The following SRGAP2B variants were observed in gnomAD, a reference collection of about 807,000 sequenced individuals.
The protein encoded by SRGAP2B is SLIT-ROBO Rho GTPase-activating protein 2B.
SRGAP2B carries 9 observed loss-of-function variants against 22.2 expected under a neutral mutation model. The ratio of observed to expected loss-of-function variants is 0.41; its 90% CI spans 0.24 to 0.71. The LOEUF (loss-of-function observed/expected upper bound fraction) is 0.71. SRGAP2B is among the 30% of genes least tolerant of loss of function. SRGAP2B has a pLI of 0.35. For synonymous variants in SRGAP2B, 36 were observed against 87.4 expected, an observed-to-expected ratio of 0.41 and a Z score of 3.28; for missense variants, 114 against 235.8, an observed-to-expected ratio of 0.48 and a Z score of 3.38.
At chr1:144,993,477 G>A (rs1475213771) in intron 3 of SRGAP2B, among the ~76,000 whole-genome samples, 2 of 150,514 alleles carry the variant, frequency 1.3e-5, no homozygotes, top group East Asian at 3.9e-4. Flanking sequence ...GAGGTGGGAG[G>A]ATCACTTAAG....
At chr1:145,009,302 C>T (rs9702020) in intron 2 of SRGAP2B, among the ~76,000 whole-genome samples, 1 of 148,278 alleles carries the variant, frequency 6.7e-6, no homozygotes, top group Non-Finnish European at 1.5e-5. Context: ...TAAAACAAAA[C>T]TGGCGGCCGG....
At chr1:144,952,863 C>A (rs1351316549) in intron 4 of SRGAP2B, among the ~76,000 whole-genome samples, 7 of 150,420 alleles carry the variant, frequency 4.7e-5, no homozygotes, top group Admixed American at 4.6e-4. Flanking sequence ...TGTTCTTGAA[C>A]TTCTGGCCTC....
chr1:144,952,080 G>C (rs587744458), intron 4 of SRGAP2B, among the ~76,000 whole-genome samples: 1 of 40,332 alleles, frequency 2.5e-5, no homozygotes, highest in East Asian at 5.3e-4. Flanking sequence ...GAAGCCCCCA[G>C]TGTAGGATCC....
intron 3 of SRGAP2B, among the ~76,000 whole-genome samples, chr1:144,984,387 C>G (rs1178824210): frequency 1.5e-5 from 2 of 131,546 alleles, no homozygotes; most frequent in African/African-American, 5.5e-5. Context: ...AACAAAAAAG[C>G]CCCTCTCTAT....
At chr1:144,995,917 C>T (rs1282008771) in intron 2 of SRGAP2B, among the ~76,000 whole-genome samples, 8 of 150,768 alleles carry the variant, frequency 5.3e-5, no homozygotes, top group Non-Finnish European at 8.8e-5. Flanking sequence ...TTTAAGAAGA[C>T]TTGGAAAGAG....
intron 4 of SRGAP2B, 123 bp downstream of exon 4, chr1:144,955,316 T>A: frequency 2.0e-6 from 1 of 491,936 alleles, no homozygotes; most frequent in Non-Finnish European, 3.8e-6. Context: ...GTAAATTGCA[T>A]GTCATGGGGG....
At position 144,892,665 on chromosome 1, in the gene SRGAP2B, TATA is replaced by T. The variant is rs1452881184; in HGVS notation, c.1156-287_1156-285del. 2.1e-4 allele frequency among the ~76,000 whole-genome samples: 31 copies of T among 149,268 alleles called. 1 individual carries two copies. Among genetic ancestry groups the T allele is most frequent in the East Asian group, 1.5e-3 (8 of 5,166 alleles). On this transcript the variant is annotated intron_variant, in intron 9 of 9. Transcript: ENST00000612199. ...TTTTAAAATTTAATATTAGCATTAT[TATA>T]ATATTATATAACAATATTGTAATAG...
chr1:144,994,330 C>G lies in SRGAP2B; in HGVS notation c.260+678G>C, dbSNP rs587637218. Among the ~76,000 whole-genome samples the G allele has an allele frequency of 2.8e-5, 4 of 141,010 alleles. No homozygotes were observed. The East Asian group carries it at 6.0e-4, about 21-fold the overall frequency. The allele number at this position is 141,010 out of a possible 152,430, so 92.5% of individuals were successfully genotyped here. ...CAGGCAAAAAAGATGATGATCTAAA[C>G]TAGGGCAATGGCACTGGGAACCAAG... On this transcript the variant is annotated intron_variant, in intron 3 of 9. Transcript: ENST00000612199.
chr1:144,965,284 T>A, intron 3 of SRGAP2B: 5 of 435,264 alleles, frequency 1.1e-5, no homozygotes, highest in South Asian at 1.0e-4. Flanking sequence ...AGCACGCAGC[T>A]GGAGATCTGA....
intron 4 of SRGAP2B, chr1:144,917,347 A>T (rs1663928600): frequency 1.4e-5 from 1 of 72,886 alleles, no homozygotes; most frequent in South Asian, 5.8e-4. Context: ...CCCCAGAGTC[A>T]GCAACAGGGT....
rs1164218997 is a variant in SRGAP2B at position 144,950,468 on chromosome 1, C to G, written c.423+4971G>C. Among the ~76,000 whole-genome samples the G allele has an allele frequency of 3.4e-5, 4 of 117,666 alleles. No individual in the cohort carries two copies. In the East Asian group the frequency reaches 9.6e-4, roughly 28 times the overall value. The allele number at this position is 117,666 out of a possible 152,430, so 77.2% of individuals were successfully genotyped here. On this transcript the variant is annotated intron_variant, in intron 4 of 9. Coordinates refer to ENST00000612199, the Ensembl canonical transcript of SRGAP2B. Reference sequence around the variant, plus strand: ...ATTAGCTGTGAGCCAGATTTGGGGCCAATTCTCACATTTAATGAGTCCTTG... The same window carrying G: ...ATTAGCTGTGAGCCAGATTTGGGGCGAATTCTCACATTTAATGAGTCCTTG...
At chr1:144,930,610 CAT>C (rs782475774) in intron 4 of SRGAP2B, among the ~76,000 whole-genome samples, 1 of 150,768 alleles carries the variant, frequency 6.6e-6, no homozygotes, top group Non-Finnish European at 1.5e-5. Flanking sequence ...GTTCGTGAGA[CAT>C]GTGAAAATGT....
Position 144,905,138 on chromosome 1 carries a change from C to G in SRGAP2B, c.784G>C (p.Ala262Pro), listed in dbSNP as rs1662889044. The G allele has an allele frequency of 5.2e-6, 4 of 769,976 alleles. No homozygotes were observed. In the Admixed American group the frequency reaches 7.0e-5, roughly 13 times the overall value. 47.7% of individuals were successfully genotyped at this position (769,976 alleles called of 1,614,324 possible). A position where few individuals can be genotyped will look rare whatever the true frequency, so the allele number is the denominator to read the frequency against. ...TGGATGTAGTACTTGAAGACAGATG[C>G]ATTGGTTGCCTCCAAAGCCAGCAAG... The change falls in exon 7 of 10, where the codon GCA becomes CCA. Residue 262 changes from alanine to proline, a missense_variant. Physicochemically the swap from Ala to Pro is conservative, Grantham distance 27. Transcript: ENST00000612199.
At position 144,911,760 on chromosome 1, in the gene SRGAP2B, G is replaced by A. The variant is rs1415289201; in HGVS notation, c.486+2932C>T. ...AGCCTCCTGAGTAGCTGGGACTATA[G>A]GCACCCACCACCATGCCCGGCTAGT... On this transcript the variant is annotated intron_variant, in intron 5 of 9. Transcript: ENST00000612199. Among the ~76,000 whole-genome samples, 276 of 147,014 alleles carry A rather than the reference G, an allele frequency of 1.9e-3. 4 individuals carry two copies. The highest frequency in any genetic ancestry group is 2.3e-3 in the Non-Finnish European group (153 of 67,440).
intron 4 of SRGAP2B, among the ~76,000 whole-genome samples, chr1:144,925,783 GA>G (rs1664681010): frequency 8.0e-6 from 1 of 125,354 alleles, no homozygotes; most frequent in Non-Finnish European, 1.8e-5. Flanking sequence ...AAGAAAGAAA[GA>G]AAGAAAGAAA....
At chr1:144,955,184 T>C (rs1667164933) in intron 4 of SRGAP2B, among the ~76,000 whole-genome samples, 1 of 150,470 alleles carries the variant, frequency 6.6e-6, no homozygotes, top group African/African-American at 2.5e-5. Flanking sequence ...CACAAGTATG[T>C]GGTAGGGAAT....
intron 5 of SRGAP2B, among the ~76,000 whole-genome samples, chr1:144,910,444 T>C (rs1195221618): frequency 2.7e-5 from 4 of 147,440 alleles, no homozygotes; most frequent in African/African-American, 1.0e-4. Context: ...GACTATTAAG[T>C]GCCATTGTTT....
At chr1:144,941,206 C>T (rs1232270722) in intron 4 of SRGAP2B, among the ~76,000 whole-genome samples, 1 of 142,998 alleles carries the variant, frequency 7.0e-6, no homozygotes, top group Non-Finnish European at 1.5e-5. Flanking sequence ...AAACCCTAAG[C>T]TGAAGGGTTT....
At chr1:144,913,258 AG>A (rs2101734331) in intron 5 of SRGAP2B, among the ~76,000 whole-genome samples, 1 of 144,642 alleles carries the variant, frequency 6.9e-6, no homozygotes, top group South Asian at 2.2e-4. Flanking sequence ...AGCTGCAAAT[AG>A]TAGAGGGTCA....
Sources: gnomAD v4.1 joint callset for allele counts (sites outside exome capture counted in the v4.1 genomes callset) on GRCh38, gnomAD v4.1.1 for gene constraint, MANE v1.5 for transcripts, NCBI Gene and HGNC (gene_info 2026-07-23, HGNC 2026-07-21) for gene names.